SHC4: variants seen among roughly 807,000 people sequenced by gnomAD.
The protein encoded by SHC4 is SHC adaptor protein 4, also known as SHC-transforming protein 4.
SHC4 carries 41 observed loss-of-function variants against 69.4 expected under a neutral mutation model. That is an observed-to-expected ratio of 0.59 (90% CI 0.46 to 0.77). The LOEUF is 0.77. SHC4 is among the 30% of genes least tolerant of loss of function. The pLI is 0.00. For synonymous variants in SHC4, 318 were observed against 299.3 expected (o/e 1.06, Z -0.64); for missense variants, 777 against 783.8 (o/e 0.99, Z 0.10).
intron 1 of SHC4, among the ~76,000 whole-genome samples, chr15:48,942,397 T>C (rs1403721392): frequency 6.6e-6 from 1 of 152,158 alleles, no homozygotes; most frequent in African/African-American, 2.4e-5. Flanking sequence ...AATAACGCTG[T>C]TATAACTTAA....
At chr15:48,913,747 T>TA (rs1015847707) in intron 2 of SHC4, among the ~76,000 whole-genome samples, 5 of 152,114 alleles carry the variant, frequency 3.3e-5, no homozygotes, top group African/African-American at 1.2e-4. Flanking sequence ...AATGACCTGC[T>TA]AGGGGGCCCA....
At chr15:48,955,967 G>A (rs1157894254) in intron 1 of SHC4, among the ~76,000 whole-genome samples, 1 of 152,140 alleles carries the variant, frequency 6.6e-6, no homozygotes, top group Non-Finnish European at 1.5e-5. Context: ...TGGACTCACT[G>A]ATCTCTAAGA....
At chr15:48,851,293 A>G in intron 8 of SHC4, 45 bp from the exon 9 acceptor site, 1 of 1,590,716 alleles carries the variant, frequency 6.3e-7, no homozygotes. Flanking sequence ...CATAGTACAC[A>G]TTCATAAACT....
At chr15:48,849,141 C>G (rs774877094) in intron 9 of SHC4, among the ~76,000 whole-genome samples, 1 of 152,160 alleles carries the variant, frequency 6.6e-6, no homozygotes, top group Non-Finnish European at 1.5e-5. Context: ...TCTCTCTTTA[C>G]TTCTGAGCTC....
At chr15:48,891,448 G>C (rs577032660) in intron 2 of SHC4, among the ~76,000 whole-genome samples, 1 of 152,096 alleles carries the variant, frequency 6.6e-6, no homozygotes, top group Non-Finnish European at 1.5e-5. Context: ...GAAAGGCACC[G>C]CTAAAATAAG....
chr15:48,867,366 A>G (rs1369132929), intron 6 of SHC4, among the ~76,000 whole-genome samples: 2 of 152,220 alleles, frequency 1.3e-5, no homozygotes, highest in East Asian at 1.9e-4. Flanking sequence ...TGAAATCCAT[A>G]TGATGAAGTC....
chr15:48,888,248 G>C (rs1900071848), intron 3 of SHC4, among the ~76,000 whole-genome samples: 1 of 152,086 alleles, frequency 6.6e-6, no homozygotes, highest in African/African-American at 2.4e-5. Flanking sequence ...TAAGCAAAAT[G>C]GGTATATACA....
chr15:48,912,533 C>T (rs1900527111), intron 2 of SHC4, among the ~76,000 whole-genome samples: 1 of 152,214 alleles, frequency 6.6e-6, no homozygotes. Context: ...GGGCTTCACC[C>T]TTCTCTGGTC....
At chr15:48,830,883 A>G (rs749675245) in intron 11 of SHC4, among the ~76,000 whole-genome samples, 6 of 152,208 alleles carry the variant, frequency 3.9e-5, no homozygotes, top group Non-Finnish European at 8.8e-5. Flanking sequence ...AGAATAAGGC[A>G]TTGTTATCAT....
rs142459439 is a variant in SHC4, at chr15:48,835,000, C to T, written c.1506G>A (p.Pro502=). The change falls in exon 11 of 12, where the codon CCG becomes CCA. Residue 502 remains proline (P), a synonymous_variant. Transcript: ENST00000332408. ...HCGKAPETVQ[P]GATAQPASSH... is the part of the protein sequence containing the mutation. ...AGCTGGCAGGCTGGGCTGTGGCACC[C>T]GGCTGAACAGTTTCTGGTGCCTCTG... is the stretch of plus-strand genomic sequence containing the variant. The T allele has an allele frequency of 4.0e-5, 65 of 1,611,766 alleles. No individual in the cohort carries two copies. The highest frequency in any genetic ancestry group is 1.7e-4 in the Middle Eastern group (1 of 5,836).
At chr15:48,843,318 C>G in intron 10 of SHC4, 91 bp downstream of exon 10, 1 of 1,304,938 alleles carries the variant, frequency 7.7e-7, no homozygotes, top group Non-Finnish European at 1.1e-6. Flanking sequence ...GGACTTCTGG[C>G]CTCCAGAACT....
intron 1 of SHC4, among the ~76,000 whole-genome samples, chr15:48,948,841 G>C (rs1901319801): frequency 6.6e-6 from 1 of 152,106 alleles, no homozygotes. Context: ...GGGAGGTTGA[G>C]GCTGCAGTGA....
At chr15:48,871,137 T>C (rs976332103) in intron 5 of SHC4, among the ~76,000 whole-genome samples, 5 of 152,226 alleles carry the variant, frequency 3.3e-5, no homozygotes, top group African/African-American at 9.6e-5. Context: ...CTGAATTGTA[T>C]TGGTTCGTTC....
chr15:48,920,977 A>AAGGAGG (rs902042262), intron 2 of SHC4, among the ~76,000 whole-genome samples: 2 of 151,522 alleles, frequency 1.3e-5, no homozygotes, highest in South Asian at 2.1e-4. Flanking sequence ...GAAGAAGGAG[A>AAGGAGG]AGGAGGAGGA....
At chr15:48,917,640 G>A (rs1413454430) in intron 2 of SHC4, among the ~76,000 whole-genome samples, 1 of 152,110 alleles carries the variant, frequency 6.6e-6, no homozygotes, top group African/African-American at 2.4e-5. Context: ...AGTTAGTGGA[G>A]GAACAACAGT....
chr15:48,961,612 T>C (rs2141044626), intron 1 of SHC4, among the ~76,000 whole-genome samples: 1 of 152,360 alleles, frequency 6.6e-6, no homozygotes. Context: ...GAATCCCAGA[T>C]CACATAATCT....
chr15:48,946,352 T>C (rs1342409992), intron 1 of SHC4, among the ~76,000 whole-genome samples: 2 of 152,196 alleles, frequency 1.3e-5, no homozygotes, highest in Non-Finnish European at 2.9e-5. Context: ...ATATTACCCA[T>C]GACTGTGCAC....
chr15:48,869,929 G>GT (rs1262645563), intron 5 of SHC4, among the ~76,000 whole-genome samples: 1 of 152,094 alleles, frequency 6.6e-6, no homozygotes, highest in African/African-American at 2.4e-5. Flanking sequence ...TTTAATGTTT[G>GT]TTTTTTATAG....
At chr15:48,847,076 T>TA (rs58905752) in intron 9 of SHC4, among the ~76,000 whole-genome samples, 3 of 150,064 alleles carry the variant, frequency 2.0e-5, no homozygotes, top group African/African-American at 7.3e-5. Context: ...TGCCTTAAAT[T>TA]AAAAAAAAAG....
Sources: allele counts gnomAD v4.1 joint callset (sites outside exome capture counted in the v4.1 genomes callset), GRCh38; gene constraint gnomAD v4.1.1; transcripts MANE v1.5; gene names NCBI Gene and HGNC (gene_info 2026-07-23, HGNC 2026-07-21).